The following CAMK2G variants were observed in gnomAD, a reference collection of about 807,000 sequenced individuals.
CAMK2G encodes calcium/calmodulin-dependent protein kinase type II subunit gamma.
CAMK2G carries 23 observed loss-of-function variants against 88.7 expected under a neutral mutation model. That is an observed-to-expected ratio of 0.26 (90% confidence interval 0.19 to 0.37). The LOEUF is 0.37. CAMK2G is among the 10% of genes least tolerant of loss of function. The pLI, the probability that CAMK2G is intolerant of heterozygous loss-of-function variation, is 1.00. For synonymous variants in CAMK2G, 263 were observed against 294.8 expected, an observed-to-expected ratio of 0.89 and a Z score of 1.11; for missense variants, 476 against 780.8, an observed-to-expected ratio of 0.61 and a Z score of 4.65.
intron 1 of CAMK2G, chr10:73,873,447 C>G (rs2095916242): frequency 2.7e-6 from 3 of 1,107,564 alleles, no homozygotes; most frequent in Non-Finnish European, 3.3e-6. Flanking sequence ...CAGAAGGGAG[C>G]AGAGAGACCC....
intron 5 of CAMK2G, 130 bp downstream of exon 5, chr10:73,852,122 CCA>C (rs768243380): frequency 2.8e-5 from 20 of 702,118 alleles, no homozygotes; most frequent in Non-Finnish European, 4.9e-5. Context: ...GAATCTTTCT[CCA>C]GACAAGAGCT....
In CAMK2G at chr10:73,852,242, C is replaced by A. The variant is rs746106121; in HGVS notation, c.341+12G>T. Reference sequence around the variant, plus strand: ...CCAGAGCTACATTTGAACTCTCGGGCCCTCATCCTACCTGGCATCTGCTTC... The same window carrying A: ...CCAGAGCTACATTTGAACTCTCGGGACCTCATCCTACCTGGCATCTGCTTC... On this transcript the variant is annotated intron_variant, in intron 5 of 22. Transcript: ENST00000423381. 6.2e-7 allele frequency: 1 copy of A among 1,609,938 alleles called. No homozygotes were observed. The highest frequency in any genetic ancestry group is 8.5e-7 in the Non-Finnish European group (1 of 1,176,200).
chr10:73,820,663 A>ATTTTTTTTTTTTTTTTTTTTT (rs1198716305), intron 18 of CAMK2G, among the ~76,000 whole-genome samples: 1 of 46,130 alleles, frequency 2.2e-5, no homozygotes, highest in African/African-American at 1.4e-4. Flanking sequence ...CACCCGGCTA[A>ATTTTTTTTTTTTTTTTTTTTT]TTTTTTTTTT....
chr10:73,816,682 A>C, intron 21 of CAMK2G: 1 of 1,005,436 alleles, frequency 9.9e-7, no homozygotes, highest in Non-Finnish European at 1.4e-6. Context: ...GATGGCCTCG[A>C]TCTCCTGACC....
In CAMK2G at chr10:73,839,656, A is replaced by G; in HGVS notation, c.947-55T>C. On this transcript the variant is annotated intron_variant, in intron 12 of 22. Coordinates refer to ENST00000423381, the MANE Select transcript of CAMK2G (RefSeq NM_001367534.1). The surrounding 1 kb of genome is among the most constrained non-coding windows in gnomAD (Gnocchi z 4.2). ...AGCCCCGCAAAGCCACGGGGCCGTC[A>G]GCAGCGAGCATGCCCCAGCGCGAGG... is the stretch of plus-strand genomic sequence containing the variant. 9.2e-7 allele frequency: 1 copy of G among 1,081,716 alleles called. No homozygotes were observed. The allele number at this position is 1,081,716 out of a possible 1,614,324, so 67.0% of individuals were successfully genotyped here. A position where few individuals can be genotyped will look rare whatever the true frequency, so the allele number is the denominator to read the frequency against.
At position 73,874,431 on chromosome 10, in the gene CAMK2G, T is replaced by C; in HGVS notation, c.31A>G (p.Thr11Ala). MATTATCTRFTDDYQLFEELG... is the reference protein window; with the variant it reads MATTATCTRFADDYQLFEELG... ...TCCTCGAAGAGCTGGTAGTCGTCGG[T>C]GAAACGGGTGCAGGTGGCGGTGGTG... is the stretch of plus-strand genomic sequence containing the variant. Residue 11 changes from threonine (T) to alanine (A), a missense_variant, in exon 1 of 23, where the codon ACC becomes GCC. Transcript: ENST00000423381. 6.6e-7 allele frequency: 1 copy of C among 1,520,678 alleles called. No homozygotes were observed. Among genetic ancestry groups the C allele is most frequent in the South Asian group, 1.2e-5 (1 of 82,862 alleles). The allele number at this position is 1,520,678 out of a possible 1,614,324, so 94.2% of individuals were successfully genotyped here. A position where few individuals can be genotyped will look rare whatever the true frequency, so the allele number is the denominator to read the frequency against.
chr10:73,828,131 C>A lies in CAMK2G; in HGVS notation c.1054-10G>T. ...AACTCGACTTCCTTTTCTGGACACACCACAGCAAGAGGGAAAGAGAAGGGG... is the reference window on the plus strand; with the variant it reads ...AACTCGACTTCCTTTTCTGGACACAACACAGCAAGAGGGAAAGAGAAGGGG... On this transcript the variant is annotated splice_polypyrimidine_tract_variant and intron_variant, in intron 14 of 22. Coordinates refer to ENST00000423381, the MANE Select transcript of CAMK2G (RefSeq NM_001367534.1). 1 of 1,611,428 alleles carries A rather than the reference C, an allele frequency of 6.2e-7. No individual in the cohort carries two copies. Among genetic ancestry groups the A allele is most frequent in the Non-Finnish European group, 8.5e-7 (1 of 1,177,608 alleles).
chr10:73,824,127 A>C (rs1446410841), intron 16 of CAMK2G, 43 bp from the exon 17 acceptor site: 3 of 1,526,274 alleles, frequency 2.0e-6, no homozygotes, highest in Admixed American at 3.3e-5. Flanking sequence ...TTGGGGACAG[A>C]CTATGGCTCT....
At chr10:73,843,373 G>A (rs917971258) in intron 10 of CAMK2G, among the ~76,000 whole-genome samples, 3 of 152,072 alleles carry the variant, frequency 2.0e-5, no homozygotes, top group Non-Finnish European at 4.4e-5. Context: ...GCCTTTTTTG[G>A]ATGGAAATTT....
chr10:73,873,875 G>A (rs1591540195), intron 1 of CAMK2G, among the ~76,000 whole-genome samples: 1 of 134,824 alleles, frequency 7.4e-6, no homozygotes, highest in East Asian at 2.5e-4. Context: ...GCAGGGGTGG[G>A]GGGAGGGGAC....
intron 19 of CAMK2G, among the ~76,000 whole-genome samples, chr10:73,819,092 A>T (rs2086813264): frequency 6.6e-6 from 1 of 152,130 alleles, no homozygotes. Flanking sequence ...ACTCAGATCT[A>T]TCTTGCCTCT....
At chr10:73,828,163 G>T (rs372380957) in intron 14 of CAMK2G, 42 bp from the exon 15 acceptor site, 16 of 1,545,958 alleles carry the variant, frequency 1.0e-5, no homozygotes, top group Non-Finnish European at 1.4e-5. Context: ...GGGGAAAGAG[G>T]AGGTAAGAAG....
chr10:73,847,174 C>T lies in CAMK2G; in HGVS notation c.819+51G>A, dbSNP rs2094308942. 4.4e-6 allele frequency: 7 copies of T among 1,600,374 alleles called. No individual in the cohort carries two copies. The East Asian group carries it at 1.6e-4, about 36-fold the overall frequency. On this transcript the variant is annotated intron_variant, in intron 10 of 22. Coordinates refer to ENST00000423381, the MANE Select transcript of CAMK2G (RefSeq NM_001367534.1). ...GAAGGAGGGGGTGGTGCCGAGGGCA[C>T]ACAGAAGGCTGACACCCCTGAGCTC...
At chr10:73,851,786 C>T (rs892753366) in intron 5 of CAMK2G, among the ~76,000 whole-genome samples, 16 of 150,584 alleles carry the variant, frequency 1.1e-4, no homozygotes, top group East Asian at 1.9e-4. Context: ...CGCTCTGTTA[C>T]GCAGGCTGGA....
rs2094319061 is a variant in CAMK2G, at chr10:73,847,350, A to C, written c.697-3T>G. Reference sequence around the variant, plus strand: ...GTGTCCCATTCTGGTGATGGGAACTAAGGAGCAGGAATAGGGAGAAGAATG... The same window carrying C: ...GTGTCCCATTCTGGTGATGGGAACTCAGGAGCAGGAATAGGGAGAAGAATG... On this transcript the variant is annotated splice_polypyrimidine_tract_variant and splice_region_variant and intron_variant, in intron 9 of 22. Transcript: ENST00000423381. The C allele has an allele frequency of 6.2e-7, 1 of 1,614,012 alleles. No individual in the cohort carries two copies. The highest frequency in any genetic ancestry group is 8.5e-7 in the Non-Finnish European group (1 of 1,179,962).
chr10:73,837,362 C>T, intron 14 of CAMK2G, 106 bp downstream of exon 14: 2 of 898,034 alleles, frequency 2.2e-6, no homozygotes, highest in Admixed American at 3.4e-5. Context: ...AGCAGACTAG[C>T]AAGGATAGGA....
At position 73,873,005 on chromosome 10, in the gene CAMK2G, C is replaced by A. The variant is rs761674491; in HGVS notation, c.144G>T (p.Lys48Asn). 3.1e-6 allele frequency: 5 copies of A among 1,611,724 alleles called. No individual in the cohort carries two copies. In the Admixed American group the frequency reaches 8.3e-5, roughly 27 times the overall value. The change falls in exon 2 of 23, where the codon AAG becomes AAT. Residue 48 changes from lysine to asparagine, a missense_variant. By Grantham distance (94) the Lys-to-Asn change is moderately conservative (BLOSUM62 0). Coordinates refer to ENST00000423381, the MANE Select transcript of CAMK2G (RefSeq NM_001367534.1). ...AACACTCACCCCGGGCAGACAACTT[C>A]TTGGTATTGATGATTTTTGCTGCGT... ...QEYAAKIINT[K>N]KLSARDHQKL...
chr10:73,860,340 A>G (rs1356429584), intron 3 of CAMK2G, among the ~76,000 whole-genome samples: 5 of 152,100 alleles, frequency 3.3e-5, no homozygotes, highest in African/African-American at 4.8e-5. Context: ...GGAGCCAGGC[A>G]GGGGGGCAGC....
Position 73,819,576 on chromosome 10 carries a change from G to A in CAMK2G, c.1319C>T (p.Pro440Leu). The part of the protein sequence containing the change: ...EGRSSRDRTA[P>L]SAGMQPQPSL... Reference sequence around the variant, plus strand: ...AGGCTGGGGCTGCATGCCTGCAGAGGGGGCTGTTCTGTCCCGGGAGCTCCG... The same window carrying A: ...AGGCTGGGGCTGCATGCCTGCAGAGAGGGCTGTTCTGTCCCGGGAGCTCCG... Residue 440 changes from proline to leucine, a missense_variant, in exon 19 of 23, where the codon CCC becomes CTC. This residue lies in a region of CAMK2G where 278 missense variants were observed against 366.5 expected (regional missense o/e 0.76). Coordinates refer to ENST00000423381, the MANE Select transcript of CAMK2G (RefSeq NM_001367534.1). 2.6e-6 allele frequency: 4 copies of A among 1,549,480 alleles called. No individual in the cohort carries two copies. The highest frequency in any genetic ancestry group is 3.5e-6 in the Non-Finnish European group (4 of 1,146,942).
Sources: gnomAD v4.1 joint callset for allele counts (sites outside exome capture counted in the v4.1 genomes callset) on GRCh38, gnomAD v4.1.1 for gene constraint, gnomAD v4.1.1 regional missense constraint, Gnocchi (gnomAD v3.1) non-coding constraint, MANE v1.5 for transcripts, NCBI Gene and HGNC (gene_info 2026-07-23, HGNC 2026-07-21) for gene names.